Variants in RICTOR observed in about 807,000 individuals in gnomAD.
RICTOR encodes the protein rapamycin-insensitive companion of mTOR.
RICTOR carries 49 observed loss-of-function variants against 214.9 expected under a neutral mutation model. That is an observed-to-expected ratio of 0.23 (90% CI 0.18 to 0.29). RICTOR has a LOEUF of 0.29. RICTOR is among the 10% of genes least tolerant of loss of function. The pLI is 1.00. For synonymous variants in RICTOR, 717 were observed against 711.3 expected (o/e 1.01, Z -0.13); for missense variants, 1,625 against 2,047.0 (o/e 0.79, Z 3.98).
At chr5:39,000,946 A>C (rs1227967368) in intron 5 of RICTOR, among the ~76,000 whole-genome samples, 4 of 152,198 alleles carry the variant, frequency 2.6e-5, no homozygotes, top group African/African-American at 9.6e-5. Context: ...AAACAAACAC[A>C]CACTACTAAA....
intron 6 of RICTOR, among the ~76,000 whole-genome samples, chr5:38,994,119 G>C (rs1752985229): frequency 6.6e-6 from 1 of 151,970 alleles, no homozygotes. Context: ...GAACCCGGGA[G>C]GTGGAGCTTG....
chr5:38,991,673 T>C (rs972766129), intron 6 of RICTOR, among the ~76,000 whole-genome samples: 1 of 152,134 alleles, frequency 6.6e-6, no homozygotes, highest in Non-Finnish European at 1.5e-5. Context: ...AATCCAAATC[T>C]ATTTTTAATA....
At chr5:38,969,004 T>A in intron 11 of RICTOR, among the ~76,000 whole-genome samples, 1 of 134,690 alleles carries the variant, frequency 7.4e-6, no homozygotes, top group South Asian at 2.7e-4. Context: ...GCAGTCTCGC[T>A]CATCTCCCAG....
chr5:38,960,328 A>C, intron 20 of RICTOR, 70 bp downstream of exon 20: 1 of 1,455,190 alleles, frequency 6.9e-7, no homozygotes. Flanking sequence ...ACAAGGTGGA[A>C]ACAGAGGGAG....
chr5:39,027,371 C>T (rs902122043), intron 2 of RICTOR, among the ~76,000 whole-genome samples: 28 of 151,794 alleles, frequency 1.8e-4, no homozygotes, highest in African/African-American at 6.8e-4. Context: ...GTATAAAAAA[C>T]ATGCACAAAA....
rs571553882 is a variant in RICTOR, at chr5:39,074,322, G to T, written c.49+7C>A. The T allele has an allele frequency of 2.3e-5, 35 of 1,546,252 alleles. No individual in the cohort carries two copies. In the African/African-American group the frequency reaches 3.9e-4, roughly 17 times the overall value. On this transcript the variant is annotated splice_region_variant and intron_variant, in intron 1 of 37. Coordinates refer to ENST00000357387, the MANE Select transcript of RICTOR (RefSeq NM_152756.5). ...GCGGTGGGGAGTGAGGGTTGCAGCG[G>T]GCTTACCTCGTACTCGGAGGTTCTT...
intron 3 of RICTOR, among the ~76,000 whole-genome samples, chr5:39,006,048 T>A (rs1313475306): frequency 6.6e-6 from 1 of 152,216 alleles, no homozygotes; most frequent in East Asian, 1.9e-4. Context: ...TGCATCTAGG[T>A]AGGACTCCAC....
intron 10 of RICTOR, among the ~76,000 whole-genome samples, chr5:38,973,155 T>C (rs1463894917): frequency 1.3e-5 from 2 of 152,100 alleles, no homozygotes; most frequent in African/African-American, 4.8e-5. Context: ...GGGGCAATGA[T>C]AATGTTCTAT....
intron 11 of RICTOR, among the ~76,000 whole-genome samples, chr5:38,968,963 G>C (rs1249302267): frequency 3.7e-5 from 4 of 108,970 alleles, no homozygotes; most frequent in African/African-American, 7.0e-5. Context: ...GGCGGGGGAG[G>C]AGTTTTTTTT....
intron 2 of RICTOR, among the ~76,000 whole-genome samples, chr5:39,073,783 A>G (rs1389864024): frequency 6.6e-6 from 1 of 151,884 alleles, no homozygotes; most frequent in Non-Finnish European, 1.5e-5. Context: ...GGGCTGCCGG[A>G]CTCCGGGATA....
intron 28 of RICTOR, 60 bp from the exon 29 acceptor site, chr5:38,953,151 A>G: frequency 8.2e-7 from 1 of 1,218,628 alleles, no homozygotes; most frequent in Non-Finnish European, 1.2e-6. Context: ...AAGATTTGGA[A>G]AGCTACCAAG....
chr5:39,012,595 T>A (rs1754620820), intron 3 of RICTOR, among the ~76,000 whole-genome samples: 1 of 152,188 alleles, frequency 6.6e-6, no homozygotes, highest in African/African-American at 2.4e-5. Flanking sequence ...TCACTACTAT[T>A]TTTGCCGTTA....
chr5:38,957,227 A>G (rs1749333993), intron 25 of RICTOR, among the ~76,000 whole-genome samples: 8 of 152,194 alleles, frequency 5.3e-5, no homozygotes, highest in Admixed American at 5.2e-4. Context: ...ATCCTAAAGT[A>G]AAGTTTAACT....
chr5:38,950,114 G>C lies in RICTOR; in HGVS notation c.3734C>G (p.Ala1245Gly). ...SPSRETVGVD[A>G]TTMDTDCGSM... ...TCCACAGTCTGTGTCCATAGTTGTA[G>C]CATCTACACCTACTGTCTCTCGTGA... Residue 1245 changes from alanine to glycine, a missense_variant, in exon 31 of 38, where the codon GCT (alanine) becomes GGT (glycine). Physicochemically the swap from Ala to Gly is moderately conservative, Grantham distance 60. Transcript: ENST00000357387. 6.2e-7 allele frequency: 1 copy of C among 1,612,802 alleles called. No homozygotes were observed. The highest frequency in any genetic ancestry group is 8.5e-7 in the Non-Finnish European group (1 of 1,179,460).
rs779120238 is a variant in RICTOR, at chr5:39,074,169, C to CA, written c.50-12dup. The CA allele has an allele frequency of 1.7e-5, 27 of 1,590,388 alleles. No individual in the cohort carries two copies. In the South Asian group the frequency reaches 2.8e-4, roughly 17 times the overall value. ...CGCTGTCATTCCGCCCTGCGCGAAACAGACACACAGCCCCAATTAGGATTG... is the reference window on the plus strand; with the variant it reads ...CGCTGTCATTCCGCCCTGCGCGAAACAAGACACACAGCCCCAATTAGGATTG... On this transcript the variant is annotated splice_polypyrimidine_tract_variant and intron_variant, in intron 1 of 37. Coordinates refer to ENST00000357387, the MANE Select transcript of RICTOR (RefSeq NM_152756.5).
intron 24 of RICTOR, among the ~76,000 whole-genome samples, chr5:38,958,097 C>A (rs573853560): frequency 6.6e-6 from 1 of 151,714 alleles, no homozygotes; most frequent in Non-Finnish European, 1.5e-5. Context: ...ATTAGCTGGG[C>A]GTGGTGGTGT....
intron 3 of RICTOR, among the ~76,000 whole-genome samples, chr5:39,017,140 T>G (rs538253470): frequency 6.1e-4 from 93 of 152,266 alleles, no homozygotes; most frequent in Admixed American, 1.4e-3. Flanking sequence ...ACTGCCATTC[T>G]TACCTCCATC....
chr5:38,976,203 G>A (rs1256007443), intron 9 of RICTOR, among the ~76,000 whole-genome samples: 4 of 152,088 alleles, frequency 2.6e-5, no homozygotes, highest in African/African-American at 7.2e-5. Context: ...CATTTTTCAT[G>A]GTTGGCTTAT....
chr5:39,052,928 GCTTA>G (rs1407429828), intron 2 of RICTOR, among the ~76,000 whole-genome samples: 2 of 152,128 alleles, frequency 1.3e-5, no homozygotes, highest in African/African-American at 4.8e-5. Flanking sequence ...GCAAAGTTTG[GCTTA>G]CTAAGAATGC....
Sources: allele counts gnomAD v4.1 joint callset (sites outside exome capture counted in the v4.1 genomes callset), GRCh38; gene constraint gnomAD v4.1.1; transcripts MANE v1.5; gene names NCBI Gene and HGNC (gene_info 2026-07-23, HGNC 2026-07-21).